Variants in CABIN1 observed in about 807,000 individuals in gnomAD.
CABIN1 encodes the protein calcineurin binding protein 1.
In CABIN1, 133 loss-of-function variants were observed where a neutral mutation model predicts 227.7. That is an observed-to-expected ratio of 0.58 (90% CI 0.51 to 0.67). CABIN1 has a LOEUF of 0.67. Among genes scored for constraint, CABIN1 ranks in the 30% least tolerant of loss-of-function variants. The probability of loss-of-function intolerance (pLI) is 0.00; values close to 1 mark genes in which losing one functional copy is unlikely to be tolerated. For missense variants in CABIN1, 2,408 were observed against 2,852.5 expected, an observed-to-expected ratio of 0.84 and a Z score of 3.55; for synonymous variants, 1,086 against 1,155.1, an observed-to-expected ratio of 0.94 and a Z score of 1.21.
At position 24,059,919 on chromosome 22, in the gene CABIN1, G is replaced by T; in HGVS notation, c.1400-5G>T. 1.2e-6 allele frequency: 2 copies of T among 1,614,002 alleles called. No homozygotes were observed. Among genetic ancestry groups the T allele is most frequent in the Non-Finnish European group, 1.7e-6 (2 of 1,179,896 alleles). ...CAAGTCAGGTTGTTCTTGCTCCCCG[G>T]GCAGAAAAGCAGGACGTGCATGAGT... On this transcript the variant is annotated splice_polypyrimidine_tract_variant and splice_region_variant and intron_variant, in intron 11 of 36. Coordinates refer to ENST00000263119, the MANE Select transcript of CABIN1 (RefSeq NM_012295.4).
chr22:24,086,977 G>A (rs1197714238), intron 22 of CABIN1, among the ~76,000 whole-genome samples: 1 of 152,120 alleles, frequency 6.6e-6, no homozygotes, highest in Non-Finnish European at 1.5e-5. Context: ...GCTAATGACA[G>A]GCTCTGCCAG....
intron 34 of CABIN1, among the ~76,000 whole-genome samples, chr22:24,173,865 T>C (rs1400723906): frequency 6.6e-6 from 1 of 152,154 alleles, no homozygotes; most frequent in African/African-American, 2.4e-5. Flanking sequence ...TCTACCAGCA[T>C]GTGACCTTGG....
chr22:24,037,259 C>CAAA (rs71184942), intron 3 of CABIN1, among the ~76,000 whole-genome samples: 1,452 of 52,552 alleles, frequency 0.028, 11 homozygotes, highest in Middle Eastern at 0.088. Context: ...GACCCCGTCT[C>CAAA]AAAAAAAAAA....
chr22:24,114,840 T>A (rs1648825853), intron 27 of CABIN1, among the ~76,000 whole-genome samples: 2 of 152,148 alleles, frequency 1.3e-5, no homozygotes, highest in Admixed American at 1.3e-4. Flanking sequence ...TGAGACCACA[T>A]CTCCAGTAGA....
At chr22:24,092,836 C>T (rs1322871146) in intron 24 of CABIN1, among the ~76,000 whole-genome samples, 6 of 151,820 alleles carry the variant, frequency 4.0e-5, no homozygotes, top group East Asian at 1.9e-4. Flanking sequence ...CCTGTATGTC[C>T]GAATTTTTTC....
At chr22:24,117,575 G>T (rs564876976) in intron 27 of CABIN1, among the ~76,000 whole-genome samples, 15 of 152,158 alleles carry the variant, frequency 9.9e-5, no homozygotes, top group African/African-American at 3.4e-4. Flanking sequence ...ATAGGCAAAA[G>T]AAATAGAAAA....
At chr22:24,164,845 C>G (rs1316481831) in intron 30 of CABIN1, among the ~76,000 whole-genome samples, 2 of 152,304 alleles carry the variant, frequency 1.3e-5, no homozygotes, top group African/African-American at 4.8e-5. Context: ...TCCTGCTTCC[C>G]CCAACTCAGG....
intron 23 of CABIN1, among the ~76,000 whole-genome samples, chr22:24,090,524 T>C (rs922835336): frequency 2.6e-5 from 4 of 151,440 alleles, no homozygotes; most frequent in African/African-American, 9.7e-5. Context: ...GTCATTTTTT[T>C]TTTTTTTTTT....
intron 1 of CABIN1, among the ~76,000 whole-genome samples, chr22:24,030,159 A>G (rs1196279697): frequency 1.3e-5 from 2 of 152,314 alleles, no homozygotes; most frequent in East Asian, 3.9e-4. Context: ...AATTTATTCT[A>G]TGGCCATCAG....
At chr22:24,024,035 T>C (rs1045832247) in intron 1 of CABIN1, among the ~76,000 whole-genome samples, 1 of 152,122 alleles carries the variant, frequency 6.6e-6, no homozygotes, top group Non-Finnish European at 1.5e-5. Flanking sequence ...GCCCAGTCAT[T>C]TACCCATTTT....
At chr22:24,064,464 C>T (rs551055145) in intron 15 of CABIN1, among the ~76,000 whole-genome samples, 1 of 150,088 alleles carries the variant, frequency 6.7e-6, no homozygotes, top group African/African-American at 2.5e-5. Flanking sequence ...GTCTTGGCCT[C>T]TCGCAGTGCT....
chr22:24,110,518 A>G (rs1053951963), intron 26 of CABIN1, among the ~76,000 whole-genome samples: 4 of 152,218 alleles, frequency 2.6e-5, no homozygotes, highest in Non-Finnish European at 5.9e-5. Flanking sequence ...CTTTATGTAG[A>G]TCCAAGTTTT....
At chr22:24,120,412 G>A (rs1249031831) in intron 28 of CABIN1, among the ~76,000 whole-genome samples, 2 of 152,184 alleles carry the variant, frequency 1.3e-5, no homozygotes, top group African/African-American at 2.4e-5. Flanking sequence ...TGGGCAGGAC[G>A]TAAATAATAG....
At chr22:24,014,782 C>G (rs1029071651) in intron 1 of CABIN1, among the ~76,000 whole-genome samples, 1 of 152,142 alleles carries the variant, frequency 6.6e-6, no homozygotes, top group Non-Finnish European at 1.5e-5. Context: ...TGCCTACTGC[C>G]CTGTTCCCAT....
chr22:24,156,365 G>A (rs1179567958), intron 29 of CABIN1, among the ~76,000 whole-genome samples: 1 of 152,006 alleles, frequency 6.6e-6, no homozygotes, highest in East Asian at 1.9e-4. Context: ...TCAGCGTCAG[G>A]TGGGCGGCCA....
chr22:24,119,995 T>C (rs2043308735), intron 28 of CABIN1, among the ~76,000 whole-genome samples: 1 of 152,146 alleles, frequency 6.6e-6, no homozygotes, highest in South Asian at 2.1e-4. Context: ...CAACTACTCT[T>C]TCCTGTGAGG....
intron 29 of CABIN1, among the ~76,000 whole-genome samples, chr22:24,149,665 TC>T (rs2045367433): frequency 6.6e-6 from 1 of 152,174 alleles, no homozygotes; most frequent in Non-Finnish European, 1.5e-5. Context: ...TCATGGCTCT[TC>T]CCCGTGGACT....
intron 8 of CABIN1, among the ~76,000 whole-genome samples, chr22:24,053,810 A>G (rs1327804940): frequency 1.3e-5 from 2 of 152,128 alleles, no homozygotes; most frequent in Middle Eastern, 3.2e-3. Context: ...AGGGGTAATC[A>G]GTCACCCAGA....
chr22:24,124,339 C>A (rs1236836503), intron 28 of CABIN1, among the ~76,000 whole-genome samples: 1 of 152,246 alleles, frequency 6.6e-6, no homozygotes, highest in African/African-American at 2.4e-5. Context: ...TGGCTCCTTA[C>A]TCCTCTGCCA....
Sources: gnomAD v4.1 joint callset for allele counts (sites outside exome capture counted in the v4.1 genomes callset) on GRCh38, gnomAD v4.1.1 for gene constraint, MANE v1.5 for transcripts, NCBI Gene and HGNC (gene_info 2026-07-23, HGNC 2026-07-21) for gene names.